HHAT: variants seen among roughly 807,000 people sequenced by gnomAD.
HHAT encodes hedgehog acyltransferase.
In HHAT, 47 loss-of-function variants were observed where a neutral mutation model predicts 70.8. The observed-to-expected ratio is 0.66, with a 90% CI of 0.53 to 0.85. HHAT has a LOEUF of 0.85. HHAT is among the 40% of genes least tolerant of loss of function. HHAT has a pLI of 0.00. For synonymous variants in HHAT, 228 were observed against 247.6 expected, an observed-to-expected ratio of 0.92 and a Z score of 0.74; for missense variants, 609 against 604.8, an observed-to-expected ratio of 1.01 and a Z score of -0.07.
intron 3 of HHAT, among the ~76,000 whole-genome samples, chr1:210,375,404 A>C (rs915333381): frequency 4.6e-5 from 7 of 152,114 alleles, no homozygotes; most frequent in African/African-American, 1.7e-4. Flanking sequence ...TCTGAAGTCT[A>C]CTTTATCTGC....
intron 8 of HHAT, among the ~76,000 whole-genome samples, chr1:210,506,774 C>T (rs1420414716): frequency 6.6e-6 from 1 of 152,102 alleles, no homozygotes; most frequent in Non-Finnish European, 1.5e-5. Flanking sequence ...TGCTAAGTGC[C>T]AGAGCAGACA....
At chr1:210,399,264 G>C (rs2091949025) in intron 4 of HHAT, among the ~76,000 whole-genome samples, 1 of 152,054 alleles carries the variant, frequency 6.6e-6, no homozygotes, top group Non-Finnish European at 1.5e-5. Context: ...TTCCAGTTTT[G>C]TTTTGTTTTT....
rs776224718 is a variant in HHAT at position 210,404,444 on chromosome 1, C to G, written c.469-20C>G. 1.1e-5 allele frequency: 17 copies of G among 1,590,136 alleles called. No homozygotes were observed. Among genetic ancestry groups the G allele is most frequent in the Middle Eastern group, 2.3e-4 (1 of 4,432 alleles). On this transcript the variant is annotated intron_variant, in intron 5 of 11. Transcript: ENST00000261458. ...CCCTGCTGGCCACTCAAAGGTTGTT[C>G]TCTCCTTTTGATTTTGTAGAGAAGG...
At chr1:210,609,748 T>G (rs534270360) in intron 10 of HHAT, among the ~76,000 whole-genome samples, 4 of 152,274 alleles carry the variant, frequency 2.6e-5, no homozygotes, top group Admixed American at 6.5e-5. Context: ...CACTTATAAG[T>G]GAGAACATGC....
At chr1:210,373,597 T>C (rs192291621) in intron 3 of HHAT, among the ~76,000 whole-genome samples, 1 of 152,334 alleles carries the variant, frequency 6.6e-6, no homozygotes, top group Admixed American at 6.5e-5. Context: ...TATTCCATCA[T>C]GATTTTGCTC....
At chr1:210,479,817 T>C (rs2094364449) in intron 8 of HHAT, among the ~76,000 whole-genome samples, 1 of 152,204 alleles carries the variant, frequency 6.6e-6, no homozygotes, top group Admixed American at 6.5e-5. Context: ...AGCAGAGCAA[T>C]ATTTTAATTC....
chr1:210,577,498 T>C (rs962093241), intron 9 of HHAT, among the ~76,000 whole-genome samples: 5 of 152,178 alleles, frequency 3.3e-5, no homozygotes, highest in African/African-American at 1.2e-4. Flanking sequence ...TTTGTGTAAG[T>C]TGAGACATCC....
chr1:210,538,079 T>A (rs1468263523), intron 9 of HHAT, among the ~76,000 whole-genome samples: 1 of 152,064 alleles, frequency 6.6e-6, no homozygotes, highest in Non-Finnish European at 1.5e-5. Context: ...TTTTGTATTT[T>A]TTTTTTTTGC....
chr1:210,391,386 GAC>G (rs2091447944), intron 4 of HHAT, among the ~76,000 whole-genome samples: 1 of 151,954 alleles, frequency 6.6e-6, no homozygotes, highest in Admixed American at 6.6e-5. Flanking sequence ...TTTTATACAA[GAC>G]ACAAAAAGTG....
At chr1:210,393,903 G>A (rs1035888680) in intron 4 of HHAT, among the ~76,000 whole-genome samples, 2 of 152,150 alleles carry the variant, frequency 1.3e-5, no homozygotes, top group Admixed American at 6.5e-5. Context: ...GAACCACAGC[G>A]TTGGCCTCAT....
chr1:210,649,076 G>GT (rs1674619374), intron 11 of HHAT, among the ~76,000 whole-genome samples: 1 of 152,152 alleles, frequency 6.6e-6, no homozygotes, highest in Admixed American at 6.5e-5. Flanking sequence ...CAGCCCAACT[G>GT]TATAATCTTG....
At chr1:210,521,612 C>G (rs1013129369) in intron 9 of HHAT, among the ~76,000 whole-genome samples, 2 of 152,198 alleles carry the variant, frequency 1.3e-5, no homozygotes, top group African/African-American at 2.4e-5. Flanking sequence ...ATGAAGAAGT[C>G]TGCTCACCAT....
chr1:210,654,377 C>T (rs1675939524), intron 11 of HHAT, among the ~76,000 whole-genome samples: 1 of 152,192 alleles, frequency 6.6e-6, no homozygotes, highest in Non-Finnish European at 1.5e-5. Context: ...GCCTGGGTCC[C>T]TCCCTCCACT....
intron 7 of HHAT, among the ~76,000 whole-genome samples, chr1:210,450,697 T>TA (rs1553374677): frequency 1.3e-5 from 2 of 151,688 alleles, no homozygotes; most frequent in Admixed American, 6.6e-5. Flanking sequence ...AATATATAGA[T>TA]AAAATGTACA....
chr1:210,618,629 C>T (rs1187186870), intron 10 of HHAT, among the ~76,000 whole-genome samples: 1 of 152,200 alleles, frequency 6.6e-6, no homozygotes, highest in African/African-American at 2.4e-5. Context: ...GCCCCACATG[C>T]AGCCCCTCTG....
Position 210,456,850 on chromosome 1 carries a change from C to T in HHAT, c.857-7655C>T, listed in dbSNP as rs79417667. On this transcript the variant is annotated intron_variant, in intron 7 of 11. Transcript: ENST00000261458. The stretch of plus-strand genomic sequence containing the variant: ...CCTTTTGCTTCTTTAGCCCCTCTGG[C>T]CGGTCAAGCTTCACGTGAGGTGTCC... Among the ~76,000 whole-genome samples the T allele has an allele frequency of 6.7e-3, 1,026 of 152,258 alleles. 11 individuals are homozygous for T. Among genetic ancestry groups the T allele is most frequent in the African/African-American group, 0.023 (971 of 41,542 alleles).
At chr1:210,550,407 GTTAT>G (rs1367306331) in intron 9 of HHAT, among the ~76,000 whole-genome samples, 1 of 149,260 alleles carries the variant, frequency 6.7e-6, no homozygotes, top group Non-Finnish European at 1.5e-5. Context: ...CCTTGGGTAA[GTTAT>G]TTAAACTCCT....
At chr1:210,378,481 AAG>A (rs551127727) in intron 3 of HHAT, among the ~76,000 whole-genome samples, 103 of 152,316 alleles carry the variant, frequency 6.8e-4, no homozygotes, top group African/African-American at 2.2e-3. Context: ...CTGAAGGAAA[AAG>A]AGGTATAATA....
intron 3 of HHAT, among the ~76,000 whole-genome samples, chr1:210,370,003 G>A (rs989116541): frequency 1.3e-5 from 2 of 151,826 alleles, no homozygotes; most frequent in African/African-American, 4.8e-5. Context: ...GACTCTTTCT[G>A]GAGCCCTCTG....
Sources: gnomAD v4.1 joint callset for allele counts (sites outside exome capture counted in the v4.1 genomes callset) on GRCh38, gnomAD v4.1.1 for gene constraint, MANE v1.5 for transcripts, NCBI Gene and HGNC (gene_info 2026-07-23, HGNC 2026-07-21) for gene names.